B3GLCT: variants seen among roughly 807,000 people sequenced by gnomAD.
The protein encoded by B3GLCT is beta-1,3-glucosyltransferase.
In B3GLCT, 65 loss-of-function variants were observed where a neutral mutation model predicts 63.4. The observed-to-expected ratio is 1.03, with a 90% CI of 0.84 to 1.26. B3GLCT has a LOEUF of 1.26. Among genes scored for constraint, B3GLCT ranks in the 50% most tolerant of loss-of-function variants. The pLI is 0.00. For synonymous variants in B3GLCT, 233 were observed against 219.2 expected (o/e 1.06, Z -0.55); for missense variants, 577 against 604.8 (o/e 0.95, Z 0.48).
At chr13:31,231,006 C>CA (rs1206074319) in intron 4 of B3GLCT, among the ~76,000 whole-genome samples, 6 of 151,128 alleles carry the variant, frequency 4.0e-5, no homozygotes, top group South Asian at 2.1e-4. Flanking sequence ...GATTCTGTCT[C>CA]AAAGAAAAAA....
intron 6 of B3GLCT, among the ~76,000 whole-genome samples, chr13:31,250,848 GTGTT>G (rs1054069154): frequency 2.0e-5 from 3 of 152,220 alleles, no homozygotes; most frequent in African/African-American, 7.2e-5. Flanking sequence ...TCTCAGCACA[GTGTT>G]TGAGCTCTGA....
At chr13:31,266,408 A>G (rs575811933) in intron 7 of B3GLCT, among the ~76,000 whole-genome samples, 1 of 152,358 alleles carries the variant, frequency 6.6e-6, no homozygotes, top group South Asian at 2.1e-4. Flanking sequence ...GAAACATTTC[A>G]TCTAAGTAAC....
chr13:31,289,422 AAGGACTTCACATGGCATATT>A (rs1334394649), intron 12 of B3GLCT, among the ~76,000 whole-genome samples: 25 of 152,270 alleles, frequency 1.6e-4, no homozygotes, highest in African/African-American at 4.3e-4. Context: ...ACATTGAAAA[AAGGACTTCACATGGCATATT>A]AGGACTTCAC....
intron 4 of B3GLCT, among the ~76,000 whole-genome samples, chr13:31,240,069 A>T (rs1438374295): frequency 6.6e-6 from 1 of 152,192 alleles, no homozygotes; most frequent in Non-Finnish European, 1.5e-5. Flanking sequence ...GCAGGAGCTG[A>T]GAAATAGGCA....
chr13:31,310,350 C>G (rs1389520822), intron 12 of B3GLCT, among the ~76,000 whole-genome samples: 2 of 152,234 alleles, frequency 1.3e-5, no homozygotes, highest in Admixed American at 1.3e-4. Flanking sequence ...GTCTGTGTAA[C>G]CTCATGCTTC....
chr13:31,273,419 T>C (rs767692665), intron 8 of B3GLCT, among the ~76,000 whole-genome samples: 1 of 152,242 alleles, frequency 6.6e-6, no homozygotes, highest in Non-Finnish European at 1.5e-5. Context: ...ATGTGCTTAC[T>C]TGTTTTGTGT....
intron 3 of B3GLCT, among the ~76,000 whole-genome samples, chr13:31,224,900 A>C (rs1205972214): frequency 6.6e-6 from 1 of 152,216 alleles, no homozygotes; most frequent in African/African-American, 2.4e-5. Flanking sequence ...AGCACTTTAC[A>C]GTACAGTGCT....
intron 1 of B3GLCT, among the ~76,000 whole-genome samples, chr13:31,213,039 C>T (rs1011913842): frequency 2.0e-5 from 3 of 150,254 alleles, no homozygotes; most frequent in East Asian, 1.9e-4. Flanking sequence ...TGTGTGTGCA[C>T]GCGTGCGCGT....
chr13:31,300,462 A>G lies in B3GLCT; in HGVS notation c.1064+13643A>G, dbSNP rs922843211. On this transcript the variant is annotated intron_variant, in intron 12 of 14. Transcript: ENST00000343307. ...AGTTTAATTAATGCAAGACTGGCCAAGTGGAAGGACTGGAGTTATTACTTA... is the reference window on the plus strand; with the variant it reads ...AGTTTAATTAATGCAAGACTGGCCAGGTGGAAGGACTGGAGTTATTACTTA... Among the ~76,000 whole-genome samples, 5 of 152,326 alleles carry G rather than the reference A, an allele frequency of 3.3e-5. No individual in the cohort carries two copies. The South Asian group carries it at 8.3e-4, about 25-fold the overall frequency.
intron 10 of B3GLCT, among the ~76,000 whole-genome samples, chr13:31,282,518 T>C (rs1400781352): frequency 6.6e-6 from 1 of 151,968 alleles, no homozygotes; most frequent in African/African-American, 2.4e-5. Context: ...GGCGGGCGCC[T>C]GTAGTCCCAG....
chr13:31,261,197 G>A, intron 7 of B3GLCT, 115 bp downstream of exon 7: 5 of 1,231,104 alleles, frequency 4.1e-6, no homozygotes, highest in South Asian at 1.4e-5. Flanking sequence ...TCAGCCAGAG[G>A]CAGTGTGTGG....
intron 13 of B3GLCT, among the ~76,000 whole-genome samples, chr13:31,318,271 C>A (rs1875156150): frequency 6.6e-6 from 1 of 152,106 alleles, no homozygotes; most frequent in South Asian, 2.1e-4. Context: ...TGCGTGTAGG[C>A]AAAATCTTAT....
chr13:31,271,545 A>G (rs2032855814), intron 8 of B3GLCT, among the ~76,000 whole-genome samples: 1 of 152,136 alleles, frequency 6.6e-6, no homozygotes, highest in Admixed American at 6.5e-5. Flanking sequence ...ATGACCCAGT[A>G]TATTTGTGTG....
intron 9 of B3GLCT, among the ~76,000 whole-genome samples, chr13:31,274,958 G>T (rs1005072648): frequency 2.0e-5 from 3 of 152,104 alleles, no homozygotes; most frequent in Non-Finnish European, 4.4e-5. Flanking sequence ...GCAGTATTTG[G>T]TTTTCTGTTT....
chr13:31,280,637 A>G (rs1873026957), intron 10 of B3GLCT, among the ~76,000 whole-genome samples: 1 of 152,214 alleles, frequency 6.6e-6, no homozygotes, highest in African/African-American at 2.4e-5. Context: ...TATAGATTGC[A>G]TTTATTTTTT....
chr13:31,229,346 T>C (rs751669666), intron 4 of B3GLCT, 52 bp downstream of exon 4: 1 of 1,095,026 alleles, frequency 9.1e-7, no homozygotes, highest in South Asian at 1.2e-5. Flanking sequence ...TTGATTACCT[T>C]GATGTTTTCC....
intron 1 of B3GLCT, among the ~76,000 whole-genome samples, chr13:31,212,287 T>A (rs1311739841): frequency 6.7e-6 from 1 of 148,256 alleles, no homozygotes; most frequent in Admixed American, 6.7e-5. Flanking sequence ...TTTTTTTTTT[T>A]TTTTTAAGAC....
intron 14 of B3GLCT, among the ~76,000 whole-genome samples, chr13:31,326,258 A>G (rs1038456933): frequency 7.0e-6 from 1 of 143,350 alleles, no homozygotes; most frequent in African/African-American, 2.6e-5. Flanking sequence ...ATTTTGCCCA[A>G]TGTAGGAGGT....
intron 1 of B3GLCT, among the ~76,000 whole-genome samples, chr13:31,206,483 G>T (rs1290577549): frequency 6.7e-6 from 1 of 148,940 alleles, no homozygotes; most frequent in Non-Finnish European, 1.5e-5. Context: ...GCTCACGCCT[G>T]TAATCCCAGC....
Sources: allele counts gnomAD v4.1 joint callset (sites outside exome capture counted in the v4.1 genomes callset), GRCh38; gene constraint gnomAD v4.1.1; transcripts MANE v1.5; gene names NCBI Gene and HGNC (gene_info 2026-07-23, HGNC 2026-07-21).